ANKRD50: variants seen among roughly 807,000 people sequenced by gnomAD.
ANKRD50 encodes the protein ankyrin repeat domain-containing protein 50.
In ANKRD50, 40 loss-of-function variants were observed where a neutral mutation model predicts 112.0. The observed-to-expected ratio is 0.36, with a 90% confidence interval of 0.28 to 0.46. ANKRD50 has a LOEUF of 0.46. ANKRD50 is among the 20% of genes least tolerant of loss of function. The pLI is 1.00. For missense variants in ANKRD50, 1,487 were observed against 1,701.7 expected, an observed-to-expected ratio of 0.87 and a Z score of 2.22; for synonymous variants, 613 against 619.1, an observed-to-expected ratio of 0.99 and a Z score of 0.15.
chr4:124,702,173 A>C (rs2110526492), intron 2 of ANKRD50, among the ~76,000 whole-genome samples: 1 of 152,334 alleles, frequency 6.6e-6, no homozygotes, highest in African/African-American at 2.4e-5. Context: ...AATTATTAAA[A>C]GTTTCCAAAG....
intron 2 of ANKRD50, among the ~76,000 whole-genome samples, chr4:124,702,207 T>C (rs2110526526): frequency 6.6e-6 from 1 of 152,280 alleles, no homozygotes; most frequent in East Asian, 1.9e-4. Flanking sequence ...TTTGAATTTG[T>C]TATGTGGGTT....
Position 124,667,025 on chromosome 4 carries a change from T to C in ANKRD50, c.*493A>G, listed in dbSNP as rs1218002931. 1 of 152,018 alleles carries C rather than the reference T, an allele frequency of 6.6e-6. No homozygotes were observed. Among genetic ancestry groups the C allele is most frequent in the Non-Finnish European group, 1.5e-5 (1 of 67,954 alleles). The allele number at this position is 152,018 out of a possible 1,614,324, so 9.4% of individuals were successfully genotyped here. A position where few individuals can be genotyped will look rare whatever the true frequency, so the allele number is the denominator to read the frequency against. ...TAGTGAACATAGAACAGTTGCAAGATTTGTTTTATTGAGCAACGTCTTTAA... is the reference window on the plus strand; with the variant it reads ...TAGTGAACATAGAACAGTTGCAAGACTTGTTTTATTGAGCAACGTCTTTAA... On this transcript the variant is annotated 3_prime_UTR_variant, in exon 5 of 5. Transcript: ENST00000504087.
intron 2 of ANKRD50, among the ~76,000 whole-genome samples, chr4:124,681,875 T>C (rs1370154627): frequency 6.6e-6 from 1 of 152,212 alleles, no homozygotes; most frequent in East Asian, 1.9e-4. Flanking sequence ...ACATCCATTA[T>C]TCAGAAGTGA....
intron 2 of ANKRD50, among the ~76,000 whole-genome samples, chr4:124,685,615 G>A (rs566632437): frequency 1.5e-4 from 22 of 151,654 alleles, no homozygotes; most frequent in Non-Finnish European, 1.6e-4. Flanking sequence ...AATGACAGTC[G>A]GTTATCACAA....
At chr4:124,698,071 T>C (rs1022188253) in intron 2 of ANKRD50, among the ~76,000 whole-genome samples, 1 of 152,046 alleles carries the variant, frequency 6.6e-6, no homozygotes, top group Non-Finnish European at 1.5e-5. Flanking sequence ...AGTTGAAGAA[T>C]GATATAGGCT....
chr4:124,700,475 G>A (rs1212760550), intron 2 of ANKRD50, among the ~76,000 whole-genome samples: 3 of 152,190 alleles, frequency 2.0e-5, no homozygotes, highest in African/African-American at 7.2e-5. Flanking sequence ...TAGAAAATGG[G>A]AGTAGTAGTG....
At chr4:124,676,788 T>C (rs1730783890) in intron 3 of ANKRD50, among the ~76,000 whole-genome samples, 1 of 151,534 alleles carries the variant, frequency 6.6e-6, no homozygotes, top group African/African-American at 2.4e-5. Flanking sequence ...TTGCAAAGAA[T>C]TGAAAAAATA....
At chr4:124,692,682 C>A (rs577076184) in intron 2 of ANKRD50, among the ~76,000 whole-genome samples, 1 of 151,988 alleles carries the variant, frequency 6.6e-6, no homozygotes, top group Non-Finnish European at 1.5e-5. Flanking sequence ...TTATACCATG[C>A]GATGACAAAA....
rs1455110165 is a variant in ANKRD50 at position 124,669,413 on chromosome 4, T to C, written c.3864A>G (p.Gln1288=). The change falls in exon 4 of 5, where the codon CAA becomes CAG. Residue 1288 remains glutamine, a synonymous_variant. Transcript: ENST00000504087. The part of the protein sequence containing the change: ...KSGSAGKKAK[Q]SNSSQPKVLE... ...AAACCTTTGGCTGTGAAGAATTACT[T>C]TGTTTCGCTTTTTTCCCAGCTGATC... 2.5e-6 allele frequency: 4 copies of C among 1,613,118 alleles called. No homozygotes were observed. Among genetic ancestry groups the C allele is most frequent in the Non-Finnish European group, 3.4e-6 (4 of 1,179,728 alleles).
At chr4:124,682,322 CAAAA>C (rs36107017) in intron 2 of ANKRD50, among the ~76,000 whole-genome samples, 1 of 87,544 alleles carries the variant, frequency 1.1e-5, no homozygotes, top group African/African-American at 4.5e-5. Context: ...GACTCCGTCT[CAAAA>C]AAAAAAAAAA....
chr4:124,669,517 C>A lies in ANKRD50; in HGVS notation c.3760G>T (p.Glu1254Ter). ...AAACTGGGCTTTACTTGACTCCACT[C>A]AAATTCACTACTTGGTGAATTATGA... is the stretch of plus-strand genomic sequence containing the variant. Reference protein sequence around the residue: ...QSHNSPSSEFEWSQVKPSLKS... With the variant: ...QSHNSPSSEF Residue 1254 changes from glutamate to a stop codon, truncating the protein, a stop_gained, in exon 4 of 5, where the codon GAG becomes TAG. Coordinates refer to ENST00000504087, the MANE Select transcript of ANKRD50 (RefSeq NM_020337.3). LOFTEE classifies it high-confidence loss of function. 6.2e-7 allele frequency: 1 copy of A among 1,612,610 alleles called. No individual in the cohort carries two copies. The highest frequency in any genetic ancestry group is 1.3e-5 in the African/African-American group (1 of 74,886).
At chr4:124,690,384 A>G (rs1725108591) in intron 2 of ANKRD50, among the ~76,000 whole-genome samples, 1 of 152,194 alleles carries the variant, frequency 6.6e-6, no homozygotes, top group South Asian at 2.1e-4. Flanking sequence ...ATTAAGCTGC[A>G]TTATATAAAT....
At chr4:124,687,577 T>C (rs574603735) in intron 2 of ANKRD50, among the ~76,000 whole-genome samples, 2 of 152,146 alleles carry the variant, frequency 1.3e-5, no homozygotes, top group South Asian at 4.1e-4. Context: ...GTTAAGATAA[T>C]GAAAAGAAAA....
Position 124,711,089 on chromosome 4 carries a change from G to C in ANKRD50, c.-578C>G, listed in dbSNP as rs549856384. Reference sequence around the variant, plus strand: ...TAGATCGTGCCAGTTTCAGGCATCTGGGCAACTGCCAGGAACTGTTTCAGA... The same window carrying C: ...TAGATCGTGCCAGTTTCAGGCATCTCGGCAACTGCCAGGAACTGTTTCAGA... On this transcript the variant is annotated 5_prime_UTR_variant, in exon 2 of 5. Transcript: ENST00000504087. 1 of 246,806 alleles carries C rather than the reference G, an allele frequency of 4.1e-6. No individual in the cohort carries two copies. The highest frequency in any genetic ancestry group is 2.2e-5 in the African/African-American group (1 of 45,188). 15.3% of individuals were successfully genotyped at this position (246,806 alleles called of 1,614,324 possible).
In ANKRD50 at chr4:124,669,446, G is replaced by A; in HGVS notation, c.3831C>T (p.Ala1277=). 1 of 1,612,586 alleles carries A rather than the reference G, an allele frequency of 6.2e-7. No homozygotes were observed. Among genetic ancestry groups the A allele is most frequent in the Non-Finnish European group, 8.5e-7 (1 of 1,179,616 alleles). ...ASKGGKSENS[A]KSGSAGKKAK... is the part of the protein sequence containing the mutation. ...CTTTTTTCCCAGCTGATCCAGACTTGGCAGAATTTTCTGATTTCCCCCCTT... is the reference window on the plus strand; with the variant it reads ...CTTTTTTCCCAGCTGATCCAGACTTAGCAGAATTTTCTGATTTCCCCCCTT... Residue 1277 remains alanine (A), a synonymous_variant, in exon 4 of 5, where the codon GCC becomes GCT. Transcript: ENST00000504087.
rs1392151837 is a variant in ANKRD50, at chr4:124,665,225, T to C, written c.*2293A>G. On this transcript the variant is annotated 3_prime_UTR_variant, in exon 5 of 5. Transcript: ENST00000504087. ...TAACTCAAAGTCATTTATGTTCTATTCCAAAACATAATTTATATAAAAACA... is the reference window on the plus strand; with the variant it reads ...TAACTCAAAGTCATTTATGTTCTATCCCAAAACATAATTTATATAAAAACA... 6.6e-6 allele frequency: 1 copy of C among 152,300 alleles called. No homozygotes were observed. Among genetic ancestry groups the C allele is most frequent in the Admixed American group, 6.6e-5 (1 of 15,202 alleles). 9.4% of individuals were successfully genotyped at this position (152,300 alleles called of 1,614,324 possible). A position where few individuals can be genotyped will look rare whatever the true frequency, so the allele number is the denominator to read the frequency against.
rs977733096 is a variant in ANKRD50, at chr4:124,703,855, T to A, written c.512+6145A>T. On this transcript the variant is annotated intron_variant, in intron 2 of 4. Transcript: ENST00000504087. ...ACTAAGAATGTGGCTAACTTCAAAG[T>A]TCTAAGTATGCAAACAGGAGCAATA... Among the ~76,000 whole-genome samples the A allele has an allele frequency of 2.0e-5, 3 of 152,146 alleles. No individual in the cohort carries two copies. In the East Asian group the frequency reaches 5.8e-4, roughly 29 times the overall value.
chr4:124,703,597 C>T lies in ANKRD50; in HGVS notation c.512+6403G>A, dbSNP rs561438822. ...AGAGCATGCAGGGCTTATATAAAGA[C>T]AGCAGCTGACTCAAGTCTGTAAGAT... is the stretch of plus-strand genomic sequence containing the variant. On this transcript the variant is annotated intron_variant, in intron 2 of 4. Coordinates refer to ENST00000504087, the MANE Select transcript of ANKRD50 (RefSeq NM_020337.3). 3.3e-5 allele frequency among the ~76,000 whole-genome samples: 5 copies of T among 151,422 alleles called. No homozygotes were observed. The South Asian group carries it at 8.3e-4, about 25-fold the overall frequency.
Position 124,672,159 on chromosome 4 carries a change from A to C in ANKRD50, c.1118T>G (p.Val373Gly), listed in dbSNP as rs752889990. The C allele has an allele frequency of 6.2e-7, 1 of 1,613,902 alleles. No homozygotes were observed. The highest frequency in any genetic ancestry group is 8.5e-7 in the Non-Finnish European group (1 of 1,179,860). ...PLTITELYHA[V>G]WTKNMSLTLE... ...AGTTAACGACATGTTTTTGGTCCAT[A>C]CTGCGTGATATAATTCCGTTATGGT... is the stretch of plus-strand genomic sequence containing the variant. The change falls in exon 4 of 5, where the codon GTA becomes GGA. Residue 373 changes from valine to glycine, a missense_variant. This residue lies in a region of ANKRD50 where 1,046 missense variants were observed against 1,269.5 expected (regional missense o/e 0.82). Coordinates refer to ENST00000504087, the MANE Select transcript of ANKRD50 (RefSeq NM_020337.3).
Sources: gnomAD v4.1 joint callset for allele counts (sites outside exome capture counted in the v4.1 genomes callset) on GRCh38, gnomAD v4.1.1 for gene constraint, gnomAD v4.1.1 regional missense constraint, MANE v1.5 for transcripts, NCBI Gene and HGNC (gene_info 2026-07-23, HGNC 2026-07-21) for gene names.